The following ZNF804B variants were observed in gnomAD, a reference collection of about 807,000 sequenced individuals.
ZNF804B encodes zinc finger protein 804B, also known as zinc finger 804B.
Under a neutral mutation model 101.4 loss-of-function variants are expected in ZNF804B, and 80 were observed. The observed-to-expected ratio is 0.79, with a 90% confidence interval of 0.66 to 0.95. ZNF804B has a LOEUF of 0.95. Among genes scored for constraint, ZNF804B ranks in the 40% least tolerant of loss-of-function variants. The probability of loss-of-function intolerance (pLI) is 0.00; values close to 1 mark genes in which losing one functional copy is unlikely to be tolerated. For missense variants in ZNF804B, 1,673 were observed against 1,561.9 expected, an observed-to-expected ratio of 1.07 and a Z score of -1.20; for synonymous variants, 622 against 558.8, an observed-to-expected ratio of 1.11 and a Z score of -1.59.
At chr7:88,794,100 C>G (rs3843538) in intron 1 of ZNF804B, 163,720 of 1,121,478 alleles carry the variant, frequency 0.15, 12,701 homozygotes, top group African/African-American at 0.21. Flanking sequence ...TTTTAAAAGA[C>G]ACCAGTAACT....
chr7:88,910,101 G>T (rs1241904930), intron 1 of ZNF804B, among the ~76,000 whole-genome samples: 1 of 151,688 alleles, frequency 6.6e-6, no homozygotes, highest in Non-Finnish European at 1.5e-5. Context: ...CATAACCAGG[G>T]CAAAAAGTGA....
intron 1 of ZNF804B, among the ~76,000 whole-genome samples, chr7:88,810,665 A>AT (rs1430352147): frequency 1.6e-5 from 2 of 126,106 alleles, no homozygotes; most frequent in East Asian, 2.7e-4. Flanking sequence ...CCTGTCTCAC[A>AT]TTTAAAAAAA....
intron 1 of ZNF804B, among the ~76,000 whole-genome samples, chr7:89,016,244 G>A (rs543590525): frequency 1.3e-5 from 2 of 152,226 alleles, no homozygotes; most frequent in South Asian, 2.1e-4. Context: ...TTAGCGCTTT[G>A]TCAGATGAGT....
At chr7:89,277,472 T>A (rs1454043048) in intron 2 of ZNF804B, among the ~76,000 whole-genome samples, 1 of 3,030 alleles carries the variant, frequency 3.3e-4, no homozygotes, top group African/African-American at 1.6e-3. Flanking sequence ...ATGCTATCCC[T>A]CCCCCCTCCC....
intron 1 of ZNF804B, among the ~76,000 whole-genome samples, chr7:89,023,569 A>G (rs1370510642): frequency 2.0e-5 from 3 of 152,154 alleles, no homozygotes; most frequent in African/African-American, 7.2e-5. Context: ...GCATTTTACT[A>G]GAGTTTATTT....
At position 89,275,645 on chromosome 7, in the gene ZNF804B, A is replaced by G. The variant is rs373972365; in HGVS notation, c.250-51699A>G. 1.3e-5 allele frequency among the ~76,000 whole-genome samples: 2 copies of G among 152,004 alleles called. 1 individual carries two copies. Among genetic ancestry groups the G allele is most frequent in the African/African-American group, 4.8e-5 (2 of 41,340 alleles). ...CTGATCCAATTCCATCTTTCTTAAT[A>G]TAGTCTTTTATACCTATTAAATTTG... On this transcript the variant is annotated intron_variant, in intron 2 of 3. Coordinates refer to ENST00000333190, the MANE Select transcript of ZNF804B (RefSeq NM_181646.5).
chr7:89,019,571 T>C (rs7802350), intron 1 of ZNF804B, among the ~76,000 whole-genome samples: 1 of 151,804 alleles, frequency 6.6e-6, no homozygotes, highest in Non-Finnish European at 1.5e-5. Flanking sequence ...TTCTGAAAGT[T>C]GTGGGTGGGT....
intron 1 of ZNF804B, among the ~76,000 whole-genome samples, chr7:89,057,362 T>C (rs112237502): frequency 2.4e-4 from 37 of 152,128 alleles, no homozygotes; most frequent in African/African-American, 8.9e-4. Flanking sequence ...GCAATTCTTA[T>C]CAACCCTGGG....
intron 1 of ZNF804B, among the ~76,000 whole-genome samples, chr7:89,127,574 A>G (rs1790492414): frequency 6.6e-6 from 1 of 151,806 alleles, no homozygotes; most frequent in Non-Finnish European, 1.5e-5. Context: ...TGTTTCTACC[A>G]CAGCTGGATC....
intron 1 of ZNF804B, among the ~76,000 whole-genome samples, chr7:88,767,942 T>A (rs1790008848): frequency 6.6e-6 from 1 of 152,232 alleles, no homozygotes; most frequent in Non-Finnish European, 1.5e-5. Flanking sequence ...AGTCCTGCAT[T>A]TCCTTTCACA....
At chr7:89,108,245 C>A (rs59915613) in intron 1 of ZNF804B, among the ~76,000 whole-genome samples, 27,645 of 149,076 alleles carry the variant, frequency 0.19, 2,688 homozygotes, top group African/African-American at 0.22. Flanking sequence ...TCTTTTCTTC[C>A]ACCTGCTAGG....
intron 1 of ZNF804B, among the ~76,000 whole-genome samples, chr7:88,854,527 T>TTTCCTTCCTTTCCTTCCTTCC (rs1791520361): frequency 2.5e-5 from 1 of 40,072 alleles, no homozygotes; most frequent in African/African-American, 1.0e-4. Flanking sequence ...CTTTCCTTCC[T>TTTCCTTCCTTTCCTTCCTTCC]TTCCTTCCTT....
chr7:89,332,208 G>T (rs1253598757), intron 3 of ZNF804B, among the ~76,000 whole-genome samples: 1 of 151,610 alleles, frequency 6.6e-6, no homozygotes, highest in African/African-American at 2.4e-5. Context: ...GAAATTTGGT[G>T]GACAAAAGGA....
chr7:89,266,377 A>T (rs1017941952), intron 2 of ZNF804B, among the ~76,000 whole-genome samples: 1 of 152,176 alleles, frequency 6.6e-6, no homozygotes, highest in Non-Finnish European at 1.5e-5. Flanking sequence ...ATTAATATAT[A>T]TTATAAATAA....
At chr7:88,809,677 A>G (rs1263814513) in intron 1 of ZNF804B, among the ~76,000 whole-genome samples, 4 of 152,228 alleles carry the variant, frequency 2.6e-5, no homozygotes, top group African/African-American at 9.6e-5. Context: ...TTTTTTATGC[A>G]TAACAGCTTC....
At chr7:89,247,387 T>C (rs1043985779) in intron 2 of ZNF804B, among the ~76,000 whole-genome samples, 2 of 152,164 alleles carry the variant, frequency 1.3e-5, no homozygotes, top group African/African-American at 4.8e-5. Flanking sequence ...CCGAGCTGTG[T>C]TGGTCGCAGC....
chr7:89,270,688 C>G (rs933964575), intron 2 of ZNF804B, among the ~76,000 whole-genome samples: 1 of 152,144 alleles, frequency 6.6e-6, no homozygotes, highest in Admixed American at 6.5e-5. Context: ...TTGATTCTTC[C>G]TATCCATGAG....
chr7:89,161,049 C>T (rs187268202), intron 1 of ZNF804B, among the ~76,000 whole-genome samples: 1 of 152,080 alleles, frequency 6.6e-6, no homozygotes, highest in East Asian at 1.9e-4. Flanking sequence ...GGGACTCCAA[C>T]CACCTTTCCT....
At chr7:88,821,471 A>G (rs1217047908) in intron 1 of ZNF804B, among the ~76,000 whole-genome samples, 1 of 152,202 alleles carries the variant, frequency 6.6e-6, no homozygotes, top group African/African-American at 2.4e-5. Context: ...TTTAAATTTT[A>G]AAATGTATTT....
Sources: allele counts gnomAD v4.1 joint callset (sites outside exome capture counted in the v4.1 genomes callset), GRCh38; gene constraint gnomAD v4.1.1; transcripts MANE v1.5; gene names NCBI Gene and HGNC (gene_info 2026-07-23, HGNC 2026-07-21).